The following KIRREL1 variants were observed in gnomAD, a reference collection of about 807,000 sequenced individuals.
KIRREL1 encodes kin of IRRE-like protein 1.
Under a neutral mutation model 83.3 loss-of-function variants are expected in KIRREL1, and 25 were observed. That is an observed-to-expected ratio of 0.30 (90% CI 0.22 to 0.42). The LOEUF is 0.42. Ranked by LOEUF, KIRREL1 falls within the 10% of genes least tolerant of loss-of-function variation. The probability of loss-of-function intolerance (pLI) is 1.00; values close to 1 mark genes in which losing one functional copy is unlikely to be tolerated. For synonymous variants in KIRREL1, 388 were observed against 410.4 expected, an observed-to-expected ratio of 0.95 and a Z score of 0.66; for missense variants, 812 against 1,032.3, an observed-to-expected ratio of 0.79 and a Z score of 2.92.
intron 1 of KIRREL1, chr1:158,025,419 TG>T (rs776965445): frequency 4.0e-5 from 6 of 149,596 alleles, no homozygotes; most frequent in Non-Finnish European, 8.9e-5. Context: ...AGCAAGGAAC[TG>T]AAGACTCTGA....
chr1:158,012,701 T>C lies in KIRREL1; in HGVS notation c.52+18973T>C, dbSNP rs915394017. ...GTCCTGTTTTGCCCCTCACTGGGAG[T>C]TGTGAATATAAGTTAATGTAAAGTC... On this transcript the variant is annotated intron_variant, in intron 1 of 14. Coordinates refer to ENST00000359209, the MANE Select transcript of KIRREL1 (RefSeq NM_018240.7). Among the ~76,000 whole-genome samples the C allele has an allele frequency of 6.6e-5, 10 of 152,210 alleles. No homozygotes were observed. In the South Asian group the frequency reaches 1.9e-3, roughly 29 times the overall value.
chr1:158,026,909 C>T (rs554787857), intron 1 of KIRREL1, among the ~76,000 whole-genome samples: 1 of 152,282 alleles, frequency 6.6e-6, no homozygotes, highest in South Asian at 2.1e-4. Context: ...ACTTCTGTGA[C>T]CAAATGTGTG....
intron 1 of KIRREL1, among the ~76,000 whole-genome samples, chr1:158,061,107 C>A (rs76407335): frequency 0.016 from 2,414 of 151,820 alleles, 61 homozygotes; most frequent in African/African-American, 0.055. Context: ...GAACCTAACC[C>A]CCCATCCATC....
At position 158,094,334 on chromosome 1, in the gene KIRREL1, C is replaced by G; in HGVS notation, c.1741C>G (p.Leu581Val). The change falls in exon 14 of 15, where the codon CTG becomes GTG. Residue 581 changes from leucine to valine, a missense_variant. By Grantham distance (32) the Leu-to-Val change is conservative. Coordinates refer to ENST00000359209, the MANE Select transcript of KIRREL1 (RefSeq NM_018240.7). This position sits in a 1 kb window ranked among gnomAD's most constrained non-coding sequence, Gnocchi z 4.6. ...IYSSFKDDVD[L>V]KQDLRCDTID... ...ACAGTCGTTTAAGGATGATGTGGAT[C>G]TGAAGCAGGACCTGCGCTGCGACAC... 6.2e-7 allele frequency: 1 copy of G among 1,601,090 alleles called. No individual in the cohort carries two copies. The highest frequency in any genetic ancestry group is 8.5e-7 in the Non-Finnish European group (1 of 1,173,828).
At chr1:158,060,376 G>A (rs1661182001) in intron 1 of KIRREL1, among the ~76,000 whole-genome samples, 1 of 152,090 alleles carries the variant, frequency 6.6e-6, no homozygotes, top group Admixed American at 6.5e-5. Flanking sequence ...CTATTGCCCT[G>A]CACAGCTTAA....
chr1:158,082,383 G>T (rs1661888667), intron 3 of KIRREL1, among the ~76,000 whole-genome samples: 1 of 151,902 alleles, frequency 6.6e-6, no homozygotes, highest in Non-Finnish European at 1.5e-5. Flanking sequence ...GTAAACAAAG[G>T]TGCCAGGATT....
intron 1 of KIRREL1, among the ~76,000 whole-genome samples, chr1:158,050,359 G>A (rs989468196): frequency 1.4e-4 from 21 of 151,888 alleles, no homozygotes; most frequent in Non-Finnish European, 5.9e-5. Flanking sequence ...GGCCCAGAGA[G>A]GTGAAGTGAA....
At chr1:158,087,698 G>A (rs1372674398) in intron 5 of KIRREL1, 57 bp from the exon 6 acceptor site, 3 of 1,306,322 alleles carry the variant, frequency 2.3e-6, no homozygotes, top group Non-Finnish European at 3.3e-6. Context: ...TGTTAGGGAG[G>A]GAAAAAGAAA....
chr1:158,038,812 C>T (rs982922371), intron 1 of KIRREL1, among the ~76,000 whole-genome samples: 4 of 152,146 alleles, frequency 2.6e-5, no homozygotes, highest in South Asian at 2.1e-4. Flanking sequence ...GTTTTGTTCA[C>T]GGCTGTAACT....
At chr1:158,088,843 G>C (rs1662104104) in intron 8 of KIRREL1, among the ~76,000 whole-genome samples, 1 of 152,094 alleles carries the variant, frequency 6.6e-6, no homozygotes, top group African/African-American at 2.4e-5. Flanking sequence ...AGTAGATGGG[G>C]GGCTGCAGCA....
At chr1:158,014,943 A>G (rs1659786825) in intron 1 of KIRREL1, among the ~76,000 whole-genome samples, 1 of 152,042 alleles carries the variant, frequency 6.6e-6, no homozygotes. Context: ...TGCTACCACT[A>G]ATTCCTCTTT....
At chr1:158,034,290 A>AAAAAAAG in intron 1 of KIRREL1, among the ~76,000 whole-genome samples, 15 of 151,536 alleles carry the variant, frequency 9.9e-5, no homozygotes, top group African/African-American at 1.7e-4. Context: ...AAAAAAAGAA[A>AAAAAAAG]AAAAGAAAAT....
chr1:158,003,122 G>A (rs1659413583), intron 1 of KIRREL1, among the ~76,000 whole-genome samples: 1 of 151,930 alleles, frequency 6.6e-6, no homozygotes, highest in South Asian at 2.1e-4. Context: ...ATTCTCCCAG[G>A]AACAGCCCGG....
chr1:158,089,689 G>T (rs761100201), intron 9 of KIRREL1, 29 bp from the exon 10 acceptor site: 5 of 1,614,076 alleles, frequency 3.1e-6, no homozygotes, highest in Non-Finnish European at 4.2e-6. Context: ...GTTTTTAACT[G>T]GTTCTGACTT....
chr1:158,073,394 A>G (rs1416732114), intron 1 of KIRREL1, among the ~76,000 whole-genome samples: 1 of 152,192 alleles, frequency 6.6e-6, no homozygotes, highest in African/African-American at 2.4e-5. Flanking sequence ...CTAACTGTTC[A>G]GGAGAAATAA....
chr1:158,006,106 T>G (rs1018132515), intron 1 of KIRREL1, among the ~76,000 whole-genome samples: 1 of 152,202 alleles, frequency 6.6e-6, no homozygotes, highest in African/African-American at 2.4e-5. Context: ...TTGGGCTTCT[T>G]GGAACACAGA....
At chr1:158,069,849 G>T (rs530730274) in intron 1 of KIRREL1, among the ~76,000 whole-genome samples, 1 of 152,322 alleles carries the variant, frequency 6.6e-6, no homozygotes, top group Non-Finnish European at 1.5e-5. Flanking sequence ...TTGGGTTGTT[G>T]TGTATAAAAG....
intron 5 of KIRREL1, among the ~76,000 whole-genome samples, chr1:158,087,340 A>G (rs1662044438): frequency 6.6e-6 from 1 of 152,070 alleles, no homozygotes; most frequent in Non-Finnish European, 1.5e-5. Context: ...GTGAGCATTA[A>G]ATGAGATATA....
rs529986012 is a variant in KIRREL1, at chr1:158,046,320, C to T, written c.53-29793C>T. Among the ~76,000 whole-genome samples the T allele has an allele frequency of 3.3e-5, 5 of 152,206 alleles. No individual in the cohort carries two copies. The East Asian group carries it at 7.8e-4, about 24-fold the overall frequency. On this transcript the variant is annotated intron_variant, in intron 1 of 14. Transcript: ENST00000359209. ...AAGATGACATTGAGGCTTTGTCTTACGGACCTGGAGGAATGAAGCTGGCTT... is the reference window on the plus strand; with the variant it reads ...AAGATGACATTGAGGCTTTGTCTTATGGACCTGGAGGAATGAAGCTGGCTT...
Sources: gnomAD v4.1 joint callset for allele counts (sites outside exome capture counted in the v4.1 genomes callset) on GRCh38, gnomAD v4.1.1 for gene constraint, Gnocchi (gnomAD v3.1) non-coding constraint, MANE v1.5 for transcripts, NCBI Gene and HGNC (gene_info 2026-07-23, HGNC 2026-07-21) for gene names.